The following BRD1 variants were observed in gnomAD, a reference collection of about 807,000 sequenced individuals.
BRD1 encodes bromodomain containing 1.
BRD1 carries 24 observed loss-of-function variants against 107.7 expected under a neutral mutation model. The observed-to-expected ratio is 0.22, with a 90% CI of 0.16 to 0.31. The LOEUF (loss-of-function observed/expected upper bound fraction) is 0.31, where lower values mean the gene tolerates loss of function less well. Among genes scored for constraint, BRD1 ranks in the 10% least tolerant of loss-of-function variants. BRD1 has a pLI of 1.00. For missense variants in BRD1, 1,279 were observed against 1,638.6 expected (o/e 0.78, Z 3.79); for synonymous variants, 744 against 686.1 (o/e 1.08, Z -1.32).
rs2146969918 is a variant in BRD1 at position 49,781,527 on chromosome 22, C to A, written c.2858-3714G>T. ...GGCCACAGGTGTAAGAACACCAGGC[C>A]CTGATCAGTGGCTGCCGAGACACCT... On this transcript the variant is annotated intron_variant, in intron 8 of 12. Transcript: ENST00000404760. Among the ~76,000 whole-genome samples the A allele has an allele frequency of 2.0e-5, 3 of 152,352 alleles. No individual in the cohort carries two copies. The South Asian group carries it at 6.2e-4, about 32-fold the overall frequency.
Position 49,824,137 on chromosome 22 carries a change from A to G in BRD1, c.181T>C (p.Leu61=), listed in dbSNP as rs147317477. The part of the protein sequence containing the change: ...ISIFDPLEII[L]EDDLTAQEMS... ...TCTTGAGCAGTGAGGTCATCTTCCA[A>G]TATGATCTCCAGGGGATCAAAAATA... The change falls in exon 2 of 13, where the codon TTG becomes CTG. Residue 61 remains leucine (L), a synonymous_variant. Transcript: ENST00000404760. The surrounding 1 kb of genome is among the most constrained non-coding windows in gnomAD (Gnocchi z 5.9). The G allele has an allele frequency of 1.2e-3, 1,969 of 1,613,952 alleles. 25 individuals carry two copies. In the South Asian group the frequency reaches 0.016, roughly 13 times the overall value.
At chr22:49,796,165 A>C (rs112972517) in intron 6 of BRD1, among the ~76,000 whole-genome samples, 6,039 of 150,130 alleles carry the variant, frequency 0.04, 173 homozygotes, top group Middle Eastern at 0.086. Flanking sequence ...ATCTCGGCTC[A>C]CTGAGAGCAC....
Position 49,822,140 on chromosome 22 carries a change from G to A in BRD1, c.1367+811C>T, listed in dbSNP as rs185268897. Among the ~76,000 whole-genome samples, 99 of 152,314 alleles carry A rather than the reference G, an allele frequency of 6.5e-4. No homozygotes were observed. In the East Asian group the frequency reaches 0.01, roughly 16 times the overall value. On this transcript the variant is annotated intron_variant, in intron 2 of 12. Coordinates refer to ENST00000404760, the MANE Select transcript of BRD1 (RefSeq NM_001304808.3). ...CACTGAAATTCTTAAAAATCTTCAC[G>A]CACGGCTGGGCATGGTGGCTCACGC...
intron 8 of BRD1, among the ~76,000 whole-genome samples, chr22:49,780,509 G>A (rs945165557): frequency 6.6e-6 from 1 of 152,118 alleles, no homozygotes; most frequent in East Asian, 1.9e-4. Context: ...GCTAACAGGC[G>A]GTCTGGGGGC....
Position 49,808,841 on chromosome 22 carries a change from G to A in BRD1, c.1368-4481C>T, listed in dbSNP as rs565558775. Among the ~76,000 whole-genome samples, 8 of 152,318 alleles carry A rather than the reference G, an allele frequency of 5.3e-5. No homozygotes were observed. In the South Asian group the frequency reaches 1.0e-3, roughly 20 times the overall value. On this transcript the variant is annotated intron_variant, in intron 2 of 12. Transcript: ENST00000404760. ...AATACATCAGAAGAAAAAGTGAGCC[G>A]GGCGCAGTGGCTTCCGCCTGTAATC...
chr22:49,796,162 C>T (rs1050216643), intron 6 of BRD1, among the ~76,000 whole-genome samples: 3 of 151,220 alleles, frequency 2.0e-5, no homozygotes, highest in Non-Finnish European at 2.9e-5. Context: ...GTAATCTCGG[C>T]TCACTGAGAG....
intron 1 of BRD1, among the ~76,000 whole-genome samples, chr22:49,825,017 T>C (rs1287309516): frequency 1.3e-5 from 2 of 152,062 alleles, no homozygotes; most frequent in African/African-American, 4.8e-5. Flanking sequence ...GGGACAGTCT[T>C]GGCCCCTGGG....
intron 9 of BRD1, 51 bp downstream of exon 9, chr22:49,777,627 C>G: frequency 8.9e-6 from 14 of 1,577,022 alleles, no homozygotes; most frequent in South Asian, 1.1e-5. Flanking sequence ...CCAGGCGGGG[C>G]GGGCGGTGCT....
chr22:49,805,090 C>G (rs2059715158), intron 2 of BRD1, among the ~76,000 whole-genome samples: 1 of 152,170 alleles, frequency 6.6e-6, no homozygotes, highest in South Asian at 2.1e-4. Flanking sequence ...ATGTCACCTC[C>G]AAGAAGAGAG....
At chr22:49,784,866 G>C (rs980706145) in intron 8 of BRD1, among the ~76,000 whole-genome samples, 1 of 152,230 alleles carries the variant, frequency 6.6e-6, no homozygotes, top group Non-Finnish European at 1.5e-5. Context: ...CCACTCCCGA[G>C]GGCCTGGTCT....
chr22:49,791,785 C>T (rs1207122259), intron 7 of BRD1, among the ~76,000 whole-genome samples: 3 of 152,052 alleles, frequency 2.0e-5, no homozygotes, highest in African/African-American at 7.2e-5. Context: ...ACCCGCCTCA[C>T]CTCGGAGTGG....
At chr22:49,779,001 C>T (rs1312832873) in intron 8 of BRD1, among the ~76,000 whole-genome samples, 1 of 152,170 alleles carries the variant, frequency 6.6e-6, no homozygotes, top group Non-Finnish European at 1.5e-5. Context: ...GTTTTCCTGC[C>T]TACCTACCTC....
At chr22:49,775,247 T>C (rs1947751920) in intron 12 of BRD1, 2 of 172,122 alleles carry the variant, frequency 1.2e-5, no homozygotes, top group Non-Finnish European at 2.5e-5. Context: ...TGTCCTGCAG[T>C]ACAGGGGTCC....
chr22:49,824,246 G>A lies in BRD1; in HGVS notation c.72C>T (p.His24=), dbSNP rs777075658. 1 of 1,614,026 alleles carries A rather than the reference G, an allele frequency of 6.2e-7. No individual in the cohort carries two copies. Among genetic ancestry groups the A allele is most frequent in the Non-Finnish European group, 8.5e-7 (1 of 1,180,032 alleles). Residue 24 remains histidine (H), a synonymous_variant, in exon 2 of 13, where the codon CAC becomes CAT. Transcript: ENST00000404760. The surrounding 1 kb of genome is among the most constrained non-coding windows in gnomAD (Gnocchi z 5.9). ...RHPSSPCSVK[H]SPTRETLTYA... is the part of the protein sequence containing the mutation. ...AGGTCAGCGTTTCTCGCGTAGGGGA[G>A]TGTTTAACACTGCATGGGGAAGAAG...
At chr22:49,825,182 T>C (rs1048437329) in intron 1 of BRD1, among the ~76,000 whole-genome samples, 9 of 152,070 alleles carry the variant, frequency 5.9e-5, no homozygotes, top group African/African-American at 2.2e-4. Context: ...TCCTCCTCCT[T>C]TCTGAGAGAA....
Position 49,776,119 on chromosome 22 carries a change from G to T in BRD1, c.3162C>A (p.Ala1054=). The change falls in exon 11 of 13, where the codon GCC becomes GCA. Residue 1054 remains alanine, a synonymous_variant. Coordinates refer to ENST00000404760, the MANE Select transcript of BRD1 (RefSeq NM_001304808.3). ...CCTTCAGAGGCTCCAGCACCGAGGCGGCGGCATCAGTGGAGATCCACATGC... is the reference window on the plus strand; with the variant it reads ...CCTTCAGAGGCTCCAGCACCGAGGCTGCGGCATCAGTGGAGATCCACATGC... ...QSSMWISTDA[A]ASVLEPLKVV... The T allele has an allele frequency of 6.2e-7, 1 of 1,605,514 alleles. No individual in the cohort carries two copies. Among genetic ancestry groups the T allele is most frequent in the Non-Finnish European group, 8.5e-7 (1 of 1,179,422 alleles).
chr22:49,812,457 G>T (rs1383366096), intron 2 of BRD1, among the ~76,000 whole-genome samples: 1 of 152,152 alleles, frequency 6.6e-6, no homozygotes, highest in East Asian at 1.9e-4. Flanking sequence ...TATAATCCCA[G>T]CTACTCAGGA....
At chr22:49,804,921 C>T (rs990314450) in intron 2 of BRD1, among the ~76,000 whole-genome samples, 1 of 152,112 alleles carries the variant, frequency 6.6e-6, no homozygotes, top group Admixed American at 6.5e-5. Flanking sequence ...ATTGAATATC[C>T]AAAAAGAAAA....
intron 6 of BRD1, among the ~76,000 whole-genome samples, chr22:49,796,092 TTTTC>T (rs1466558610): frequency 1.6e-5 from 2 of 128,940 alleles, no homozygotes; most frequent in Admixed American, 7.0e-5. Context: ...TTCCATTGTG[TTTTC>T]TTTTTTTTTT....
Sources: gnomAD v4.1 joint callset for allele counts (sites outside exome capture counted in the v4.1 genomes callset) on GRCh38, gnomAD v4.1.1 for gene constraint, Gnocchi (gnomAD v3.1) non-coding constraint, MANE v1.5 for transcripts, NCBI Gene and HGNC (gene_info 2026-07-23, HGNC 2026-07-21) for gene names.